The following ASXL1 variants were observed in gnomAD, a reference collection of about 807,000 sequenced individuals.
ASXL1 encodes ASXL transcriptional regulator 1.
A neutral mutation model predicts 89.1 loss-of-function variants in ASXL1; 65 were observed. The observed-to-expected ratio is 0.73, with a 90% CI of 0.60 to 0.90. ASXL1 has a LOEUF of 0.90. Among genes scored for constraint, ASXL1 ranks in the 40% least tolerant of loss-of-function variants. The probability of loss-of-function intolerance (pLI) is 0.00; values close to 1 mark genes in which losing one functional copy is unlikely to be tolerated. For missense variants in ASXL1, 1,786 were observed against 1,942.9 expected (o/e 0.92, Z 1.52); for synonymous variants, 739 against 746.9 (o/e 0.99, Z 0.17).
intron 8 of ASXL1, 86 bp downstream of exon 8, chr20:32,430,139 T>G (rs2011474277): frequency 6.8e-7 from 1 of 1,474,552 alleles, no homozygotes; most frequent in Non-Finnish European, 9.0e-7. Flanking sequence ...TTCCAATTCC[T>G]TTACCAGTTT....
intron 4 of ASXL1, among the ~76,000 whole-genome samples, chr20:32,382,271 G>C (rs1161526462): frequency 6.6e-6 from 1 of 151,832 alleles, no homozygotes; most frequent in South Asian, 2.1e-4. Flanking sequence ...CAGCGCACCC[G>C]GCCTCTTGCC....
chr20:32,431,866 G>A (rs977278729), intron 10 of ASXL1, among the ~76,000 whole-genome samples, 187 bp downstream of exon 10: 1 of 152,188 alleles, frequency 6.6e-6, no homozygotes, highest in Non-Finnish European at 1.5e-5. Flanking sequence ...ATAACAGGGT[G>A]TTTAGGTTTA....
In ASXL1 at chr20:32,435,678, C is replaced by T. The variant is rs1362999533; in HGVS notation, c.2966C>T (p.Ser989Phe). Residue 989 changes from serine (S) to phenylalanine (F), a missense_variant, in exon 13 of 13, where the codon TCT becomes TTT. Physicochemically the swap from Ser to Phe is radical, Grantham distance 155 (BLOSUM62 -2). This residue lies in a region of ASXL1 where 1,418 missense variants were observed against 1,427.8 expected (regional missense o/e 0.99). Transcript: ENST00000375687. Reference sequence around the variant, plus strand: ...GAAAAGCTGAAAATCAACGGAGACTCTGAAGCACTGAGTCCTCACGGTGAG... The same window carrying T: ...GAAAAGCTGAAAATCAACGGAGACTTTGAAGCACTGAGTCCTCACGGTGAG... ...DIEKLKINGD[S>F]EALSPHGEST... 1 of 1,614,098 alleles carries T rather than the reference C, an allele frequency of 6.2e-7. No homozygotes were observed. Among genetic ancestry groups the T allele is most frequent in the African/African-American group, 1.3e-5 (1 of 74,936 alleles).
At chr20:32,373,406 G>A (rs963815723) in intron 4 of ASXL1, among the ~76,000 whole-genome samples, 6 of 152,014 alleles carry the variant, frequency 3.9e-5, no homozygotes, top group African/African-American at 1.4e-4. Context: ...ATTGTCCCTA[G>A]ATTTGCATCT....
At position 32,438,893 on chromosome 20, in the gene ASXL1, TTC is replaced by T. The variant is rs770877952; in HGVS notation, c.*1556_*1557del. 3.3e-4 allele frequency: 77 copies of T among 233,414 alleles called. 1 individual carries two copies. Among genetic ancestry groups the T allele is most frequent in the Non-Finnish European group, 6.8e-5 (8 of 118,084 alleles). 14.5% of individuals were successfully genotyped at this position (233,414 alleles called of 1,614,324 possible). On this transcript the variant is annotated 3_prime_UTR_variant, in exon 13 of 13. Coordinates refer to ENST00000375687, the MANE Select transcript of ASXL1 (RefSeq NM_015338.6). ...GCAAGTAGATGCCCCTGTGTGTGTT[TTC>T]CCTTGCCTTGTTTCCTGCCTTATAT... is the stretch of plus-strand genomic sequence containing the variant.
chr20:32,388,450 A>G (rs910946252), intron 4 of ASXL1, among the ~76,000 whole-genome samples: 2 of 152,236 alleles, frequency 1.3e-5, no homozygotes, highest in Admixed American at 6.5e-5. Flanking sequence ...TGTTGGGATT[A>G]CAGGCGTCAG....
Position 32,435,463 on chromosome 20 carries a change from A to G in ASXL1, c.2751A>G (p.Glu917=), listed in dbSNP as rs768964987. The G allele has an allele frequency of 4.2e-5, 68 of 1,613,932 alleles. 1 individual carries two copies. In the East Asian group the frequency reaches 1.4e-3, roughly 34 times the overall value. The part of the protein sequence containing the change: ...VVKQPKPESR[E]HIPSVEPQVG... ...AACAGCCCAAACCAGAATCCAGAGA[A>G]CACATACCATCTGTTGAGCCCCAGG... Residue 917 remains glutamate (E), a synonymous_variant, in exon 13 of 13, where the codon GAA becomes GAG. Transcript: ENST00000375687.
intron 4 of ASXL1, among the ~76,000 whole-genome samples, chr20:32,417,423 T>G (rs534134882): frequency 1.8e-4 from 27 of 152,312 alleles, no homozygotes; most frequent in African/African-American, 5.5e-4. Flanking sequence ...GTGTGTTCAT[T>G]TTTTAAATAA....
intron 4 of ASXL1, among the ~76,000 whole-genome samples, chr20:32,376,168 C>G (rs960223554): frequency 1.3e-5 from 2 of 152,046 alleles, no homozygotes; most frequent in East Asian, 3.8e-4. Context: ...TAGTGGTCGA[C>G]CAAGGGCTAG....
rs148122105 is a variant in ASXL1, at chr20:32,392,385, C to G, written c.252+23262C>G. 4.1e-3 allele frequency among the ~76,000 whole-genome samples: 619 copies of G among 151,526 alleles called. 1 individual carries two copies. Among genetic ancestry groups the G allele is most frequent in the African/African-American group, 0.013 (548 of 41,332 alleles). Reference sequence around the variant, plus strand: ...GCAGCCTCTGCCTCCTGGGTTCAAGCAATTCTCCTGCCTCAGTCTCCCGAG... The same window carrying G: ...GCAGCCTCTGCCTCCTGGGTTCAAGGAATTCTCCTGCCTCAGTCTCCCGAG... On this transcript the variant is annotated intron_variant, in intron 4 of 12. Coordinates refer to ENST00000375687, the MANE Select transcript of ASXL1 (RefSeq NM_015338.6).
In ASXL1 at chr20:32,435,986, G is replaced by A. The variant is rs771806916; in HGVS notation, c.3274G>A (p.Val1092Met). Residue 1092 changes from valine (V) to methionine (M), a missense_variant, in exon 13 of 13, where the codon GTG (valine) becomes ATG (methionine). Val to Met is a conservative substitution (Grantham distance 21). This residue lies in a region of ASXL1 where 1,418 missense variants were observed against 1,427.8 expected (regional missense o/e 0.99). Transcript: ENST00000375687. ...LASTEYQPRA[V>M]CLSMPGSSVE... ...CAGTACTGAGTACCAGCCAAGAGCC[G>A]TGTGCCTGTCCATGCCTGGGTCCTC... is the stretch of plus-strand genomic sequence containing the variant. 78 of 1,614,068 alleles carry A rather than the reference G, an allele frequency of 4.8e-5. No individual in the cohort carries two copies. The Middle Eastern group carries it at 8.2e-4, about 17-fold the overall frequency.
At chr20:32,372,522 T>G in intron 4 of ASXL1, 1 of 530,216 alleles carries the variant, frequency 1.9e-6, no homozygotes, top group Non-Finnish European at 2.5e-6. Flanking sequence ...GGTACATAGT[T>G]GCCTTCAATA....
Position 32,435,566 on chromosome 20 carries a change from C to G in ASXL1, c.2854C>G (p.Pro952Ala), listed in dbSNP as rs1337364512. 3 of 1,614,038 alleles carry G rather than the reference C, an allele frequency of 1.9e-6. No homozygotes were observed. Among genetic ancestry groups the G allele is most frequent in the East Asian group, 2.2e-5 (1 of 44,866 alleles). ...TTTGACAGCTGAGGAGGGTCTAGAT[C>G]CTCTTGACAGCCTTACTTCACTCTG... ...GDLTAEEGLD[P>A]LDSLTSLWTV... Residue 952 changes from proline to alanine, a missense_variant, in exon 13 of 13, where the codon CCT (proline) becomes GCT (alanine). Physicochemically the swap from Pro to Ala is conservative, Grantham distance 27. Around this residue, in one of 3 missense-constraint regions of ASXL1, gnomAD observed 1,418 missense variants for 1,427.8 expected, o/e 0.99. Transcript: ENST00000375687.
At chr20:32,382,647 G>A (rs190921903) in intron 4 of ASXL1, among the ~76,000 whole-genome samples, 3 of 151,302 alleles carry the variant, frequency 2.0e-5, no homozygotes, top group African/African-American at 2.4e-5. Context: ...TTAGCCAGGC[G>A]TGGTGGCTCA....
intron 4 of ASXL1, among the ~76,000 whole-genome samples, chr20:32,408,871 G>C (rs2048999420): frequency 6.6e-6 from 1 of 151,958 alleles, no homozygotes; most frequent in African/African-American, 2.4e-5. Context: ...ATAATCTCCA[G>C]TTATTATCAT....
intron 4 of ASXL1, among the ~76,000 whole-genome samples, chr20:32,425,823 G>A (rs1194897718): frequency 1.3e-5 from 2 of 152,062 alleles, no homozygotes; most frequent in East Asian, 1.9e-4. Flanking sequence ...TCCTGCCTCA[G>A]CCTCCCAAGT....
chr20:32,424,903 C>T (rs575260525), intron 4 of ASXL1, among the ~76,000 whole-genome samples: 7 of 152,314 alleles, frequency 4.6e-5, no homozygotes, highest in Non-Finnish European at 7.4e-5. Flanking sequence ...ACTTAGATCA[C>T]GACATCAAAT....
At chr20:32,369,803 A>G (rs1300990134) in intron 4 of ASXL1, among the ~76,000 whole-genome samples, 1 of 136,980 alleles carries the variant, frequency 7.3e-6, no homozygotes, top group Admixed American at 8.7e-5. Flanking sequence ...ATCTCAGCTC[A>G]TTGCACCCTC....
At chr20:32,425,761 C>T (rs541743965) in intron 4 of ASXL1, among the ~76,000 whole-genome samples, 1 of 152,130 alleles carries the variant, frequency 6.6e-6, no homozygotes, top group Non-Finnish European at 1.5e-5. Flanking sequence ...GGCTGGAGTA[C>T]AGTGGCACAA....
Sources: allele counts gnomAD v4.1 joint callset (sites outside exome capture counted in the v4.1 genomes callset), GRCh38; gene constraint gnomAD v4.1.1; regional missense constraint gnomAD v4.1.1; transcripts MANE v1.5; gene names NCBI Gene and HGNC (gene_info 2026-07-23, HGNC 2026-07-21).